The following PRTG variants were observed in gnomAD, a reference collection of about 807,000 sequenced individuals.
PRTG encodes the protein protogenin, also known as immunoglobulin superfamily, DCC subclass, member 5.
Under a neutral mutation model 122.5 loss-of-function variants are expected in PRTG, and 67 were observed. The observed-to-expected ratio is 0.55, with a 90% CI of 0.45 to 0.67. The LOEUF (loss-of-function observed/expected upper bound fraction) is 0.67, where lower values mean the gene tolerates loss of function less well. Among genes scored for constraint, PRTG ranks in the 30% least tolerant of loss-of-function variants. The probability of loss-of-function intolerance (pLI) is 0.00; values close to 1 mark genes in which losing one functional copy is unlikely to be tolerated. For synonymous variants in PRTG, 554 were observed against 501.1 expected, an observed-to-expected ratio of 1.11 and a Z score of -1.41; for missense variants, 1,435 against 1,415.4, an observed-to-expected ratio of 1.01 and a Z score of -0.22.
rs1335327225 is a variant in PRTG at position 55,639,772 on chromosome 15, C to T, written c.2194G>A (p.Ala732Thr). Residue 732 changes from alanine to threonine, a missense_variant, in exon 13 of 20, where the codon GCT becomes ACT. Transcript: ENST00000389286. ...AGGAAGATGGAAGATGAGGTGTTAG[C>T]CTTCGCATAGAGATGGTGGGGTGGT... ...PPPPHHLYAK[A>T]NTSSSIFLHW... 2.5e-6 allele frequency: 4 copies of T among 1,614,026 alleles called. No homozygotes were observed. Among genetic ancestry groups the T allele is most frequent in the African/African-American group, 2.7e-5 (2 of 74,922 alleles).
chr15:55,658,285 T>C (rs1226745504), intron 11 of PRTG, among the ~76,000 whole-genome samples: 1 of 152,164 alleles, frequency 6.6e-6, no homozygotes, highest in African/African-American at 2.4e-5. Context: ...CTCTTGCAGT[T>C]AAATGTTTGT....
intron 2 of PRTG, among the ~76,000 whole-genome samples, chr15:55,732,619 C>A (rs572692001): frequency 6.6e-6 from 1 of 151,920 alleles, no homozygotes; most frequent in African/African-American, 2.4e-5. Context: ...CTCAGCCTCC[C>A]GAGTAGCTAG....
intron 2 of PRTG, among the ~76,000 whole-genome samples, chr15:55,731,366 CTTTTTT>C (rs10658460): frequency 5.8e-5 from 6 of 103,774 alleles, no homozygotes; most frequent in Admixed American, 2.2e-4. Flanking sequence ...CCTTATCATT[CTTTTTT>C]TTTTTTTTTT....
At chr15:55,659,957 C>CAAA (rs2059400701) in intron 11 of PRTG, among the ~76,000 whole-genome samples, 2 of 151,630 alleles carry the variant, frequency 1.3e-5, no homozygotes, top group African/African-American at 2.4e-5. Context: ...CAAAACAAAA[C>CAAA]ACCTGATTCA....
chr15:55,713,907 TTTAAC>T (rs1304030926), intron 2 of PRTG, among the ~76,000 whole-genome samples: 1 of 152,156 alleles, frequency 6.6e-6, no homozygotes, highest in Non-Finnish European at 1.5e-5. Flanking sequence ...AAAAATTTGT[TTTAAC>T]TTAATAAAAT....
rs2059556075 is a variant in PRTG, at chr15:55,683,940, T to G, written c.398-9A>C. 3 of 1,610,638 alleles carry G rather than the reference T, an allele frequency of 1.9e-6. No individual in the cohort carries two copies. Among genetic ancestry groups the G allele is most frequent in the Non-Finnish European group, 2.5e-6 (3 of 1,177,636 alleles). On this transcript the variant is annotated splice_polypyrimidine_tract_variant and intron_variant, in intron 2 of 19. Transcript: ENST00000389286. ...TTCAAATGCAGAAATAGCTATAAGA[T>G]AAAGTTTGAGAAATTCAGAATAAGT...
In PRTG at chr15:55,628,982, T is replaced by A; in HGVS notation, c.2646A>T (p.Leu882=). The change falls in exon 16 of 20, where the codon CTA becomes CTT. Residue 882 remains leucine (L), a synonymous_variant. Coordinates refer to ENST00000389286, the MANE Select transcript of PRTG (RefSeq NM_173814.6). The part of the protein sequence containing the change: ...HREGAITMAL[L]ENLVAGNVYI... ...ACACATTTCCTGCTACCAAGTTTTCTAGCAAAGCCATGGTTATTGCCCCTA... is the reference window on the plus strand; with the variant it reads ...ACACATTTCCTGCTACCAAGTTTTCAAGCAAAGCCATGGTTATTGCCCCTA... The A allele has an allele frequency of 6.2e-7, 1 of 1,611,942 alleles. No individual in the cohort carries two copies. The highest frequency in any genetic ancestry group is 8.5e-7 in the Non-Finnish European group (1 of 1,178,568).
intron 7 of PRTG, 146 bp from the exon 8 acceptor site, chr15:55,678,190 T>A: frequency 1.7e-6 from 1 of 584,204 alleles, no homozygotes; most frequent in East Asian, 2.9e-5. Flanking sequence ...GCAGCAACTA[T>A]GTGGAATCCT....
chr15:55,683,998 C>T (rs2059556474), intron 2 of PRTG, 67 bp from the exon 3 acceptor site: 5 of 1,313,598 alleles, frequency 3.8e-6, no homozygotes, highest in Middle Eastern at 2.1e-4. Context: ...TAACATTACA[C>T]TAGATATTAC....
intron 2 of PRTG, chr15:55,738,434 T>C (rs1315568657): frequency 2.9e-6 from 2 of 698,172 alleles, no homozygotes; most frequent in Non-Finnish European, 5.2e-6. Flanking sequence ...AAACAATGTG[T>C]GGTCATGACA....
At chr15:55,731,162 T>C (rs927808224) in intron 2 of PRTG, among the ~76,000 whole-genome samples, 9 of 152,162 alleles carry the variant, frequency 5.9e-5, no homozygotes, top group Non-Finnish European at 1.0e-4. Flanking sequence ...CATCCCCTTC[T>C]GAAAGCTGCC....
chr15:55,686,020 C>A (rs2059568529), intron 2 of PRTG, among the ~76,000 whole-genome samples: 1 of 152,076 alleles, frequency 6.6e-6, no homozygotes, highest in South Asian at 2.1e-4. Context: ...ACCTATGGAC[C>A]ATCCCCTGCT....
intron 15 of PRTG, among the ~76,000 whole-genome samples, chr15:55,635,143 G>A (rs557538265): frequency 6.6e-6 from 1 of 150,540 alleles, no homozygotes; most frequent in Admixed American, 6.7e-5. Context: ...CCAGGCTGAA[G>A]TGCTGTGGCA....
chr15:55,671,182 T>A (rs566080644), intron 11 of PRTG, among the ~76,000 whole-genome samples: 1 of 152,314 alleles, frequency 6.6e-6, no homozygotes, highest in African/African-American at 2.4e-5. Context: ...AATCTAATGC[T>A]GCTCACACAG....
chr15:55,645,247 A>ATT (rs2059314311), intron 11 of PRTG, among the ~76,000 whole-genome samples: 1 of 150,550 alleles, frequency 6.6e-6, no homozygotes, highest in Non-Finnish European at 1.5e-5. Context: ...CATCCTGGCT[A>ATT]ACACGGTGAA....
intron 18 of PRTG, 86 bp downstream of exon 18, chr15:55,624,256 A>G: frequency 8.3e-7 from 1 of 1,202,018 alleles, no homozygotes; most frequent in Non-Finnish European, 1.2e-6. Flanking sequence ...TACATTCAAC[A>G]TACAATTTTG....
At chr15:55,702,252 A>T (rs138201103) in intron 2 of PRTG, among the ~76,000 whole-genome samples, 2 of 152,296 alleles carry the variant, frequency 1.3e-5, no homozygotes, top group East Asian at 3.9e-4. Context: ...CTCTTCTATA[A>T]AGTTAGTCCT....
chr15:55,688,071 A>T (rs765758278), intron 2 of PRTG, among the ~76,000 whole-genome samples: 1 of 152,228 alleles, frequency 6.6e-6, no homozygotes, highest in African/African-American at 2.4e-5. Flanking sequence ...AACAAAAGGA[A>T]GAAAACTCTA....
chr15:55,641,533 T>G (rs1006319059), intron 11 of PRTG, among the ~76,000 whole-genome samples: 1 of 152,218 alleles, frequency 6.6e-6, no homozygotes. Context: ...AGCCTTCAGT[T>G]TGCTTGATGG....
Sources: gnomAD v4.1 joint callset for allele counts (sites outside exome capture counted in the v4.1 genomes callset) on GRCh38, gnomAD v4.1.1 for gene constraint, MANE v1.5 for transcripts, NCBI Gene and HGNC (gene_info 2026-07-23, HGNC 2026-07-21) for gene names.